Variants in FHIT observed in about 807,000 individuals in gnomAD.
The protein encoded by FHIT is fragile histidine triad diadenosine triphosphatase.
Under a neutral mutation model 17.9 loss-of-function variants are expected in FHIT, and 19 were observed. The ratio of observed to expected loss-of-function variants is 1.06; its 90% CI spans 0.74 to 1.56. The LOEUF is 1.56. Among genes scored for constraint, FHIT ranks in the 40% most tolerant of loss-of-function variants. FHIT has a pLI of 0.00. For missense variants in FHIT, 248 were observed against 189.2 expected (o/e 1.31, Z -1.82); for synonymous variants, 81 against 69.7 (o/e 1.16, Z -0.81).
At chr3:60,646,958 T>A (rs1460104080) in intron 4 of FHIT, among the ~76,000 whole-genome samples, 1 of 152,224 alleles carries the variant, frequency 6.6e-6, no homozygotes, top group Non-Finnish European at 1.5e-5. Flanking sequence ...AGTGCTCTAG[T>A]TTATTTTTAA....
chr3:60,436,981 T>A (rs1372107126), intron 5 of FHIT, among the ~76,000 whole-genome samples: 1 of 152,136 alleles, frequency 6.6e-6, no homozygotes, highest in Non-Finnish European at 1.5e-5. Context: ...AATCCAAGTA[T>A]AAATAAAGTA....
chr3:61,072,061 A>C (rs938952961), intron 2 of FHIT, among the ~76,000 whole-genome samples: 1 of 152,166 alleles, frequency 6.6e-6, no homozygotes, highest in Non-Finnish European at 1.5e-5. Flanking sequence ...TAGAGCCAGA[A>C]ACATTTGGAT....
chr3:61,118,102 C>T (rs1388585253), intron 2 of FHIT, among the ~76,000 whole-genome samples: 1 of 152,146 alleles, frequency 6.6e-6, no homozygotes, highest in Admixed American at 6.5e-5. Flanking sequence ...TTCCAAAGGT[C>T]TTTCAAAATA....
At chr3:60,015,255 C>G (rs1700298889) in intron 5 of FHIT, among the ~76,000 whole-genome samples, 1 of 152,142 alleles carries the variant, frequency 6.6e-6, no homozygotes, top group Admixed American at 6.5e-5. Context: ...GGAAACACAA[C>G]TGAGCTCAGC....
chr3:60,105,584 C>CGAAA, intron 5 of FHIT, among the ~76,000 whole-genome samples: 1 of 152,200 alleles, frequency 6.6e-6, no homozygotes, highest in Non-Finnish European at 1.5e-5. Flanking sequence ...AGCTGTGTGT[C>CGAAA]ACTACTCAGC....
intron 5 of FHIT, among the ~76,000 whole-genome samples, chr3:60,121,642 C>G (rs1705253548): frequency 6.6e-6 from 1 of 151,774 alleles, no homozygotes; most frequent in Admixed American, 6.6e-5. Context: ...TGAGATCATG[C>G]CATTGCACTC....
intron 5 of FHIT, among the ~76,000 whole-genome samples, chr3:60,391,328 G>A (rs1451415463): frequency 6.6e-6 from 1 of 152,126 alleles, no homozygotes; most frequent in Non-Finnish European, 1.5e-5. Flanking sequence ...ACAAGGTCTT[G>A]CCCTGCAAGC....
chr3:61,236,394 T>C (rs1414291505), intron 1 of FHIT, among the ~76,000 whole-genome samples: 1 of 151,974 alleles, frequency 6.6e-6, no homozygotes, highest in Non-Finnish European at 1.5e-5. Flanking sequence ...AACAATCTTT[T>C]ACTATTCTTA....
intron 3 of FHIT, among the ~76,000 whole-genome samples, chr3:61,000,153 T>A (rs1489187935): frequency 2.6e-5 from 4 of 152,106 alleles, no homozygotes; most frequent in Non-Finnish European, 5.9e-5. Flanking sequence ...CCTCCAGTGA[T>A]CAGTCACTGG....
At chr3:60,652,292 T>C (rs2040008448) in intron 4 of FHIT, among the ~76,000 whole-genome samples, 1 of 152,154 alleles carries the variant, frequency 6.6e-6, no homozygotes, top group African/African-American at 2.4e-5. Flanking sequence ...CCATCACAGT[T>C]ATCATTAGTG....
Position 60,226,493 on chromosome 3 carries a change from A to AAAAAAAAAAAAAAAAAAAC in FHIT, c.104-212342_104-212341insGTTTTTTTTTTTTTTTTTT, listed in dbSNP as rs200934161. On this transcript the variant is annotated intron_variant, in intron 5 of 9. Coordinates refer to ENST00000492590, the MANE Select transcript of FHIT (RefSeq NM_002012.4). Reference sequence around the variant, plus strand: ...GTCTCAAAAAAAAAAAAAAAAAAAAAACACTGCCTGCCTGCACTATACTAA... The same window carrying AAAAAAAAAAAAAAAAAAAC: ...GTCTCAAAAAAAAAAAAAAAAAAAAAAAAAAAAAAAAAAAAAAACACACTGCCTGCCTGCACTATACTAA... Among the ~76,000 whole-genome samples, 8 of 147,146 alleles carry AAAAAAAAAAAAAAAAAAAC rather than the reference A, an allele frequency of 5.4e-5. 1 individual carries two copies. Among genetic ancestry groups the AAAAAAAAAAAAAAAAAAAC allele is most frequent in the African/African-American group, 1.9e-4 (7 of 37,774 alleles).
At chr3:61,179,104 T>C (rs1257217133) in intron 2 of FHIT, among the ~76,000 whole-genome samples, 2 of 150,950 alleles carry the variant, frequency 1.3e-5, no homozygotes, top group Non-Finnish European at 3.0e-5. Flanking sequence ...TCTGCCTCCT[T>C]GTTCAAGCAA....
intron 2 of FHIT, among the ~76,000 whole-genome samples, chr3:61,043,537 C>T (rs988639608): frequency 2.0e-5 from 3 of 152,216 alleles, no homozygotes; most frequent in African/African-American, 4.8e-5. Flanking sequence ...CCTCTGTAGT[C>T]TCCACCTCTG....
chr3:60,323,465 T>C (rs970782425), intron 5 of FHIT, among the ~76,000 whole-genome samples: 17 of 152,008 alleles, frequency 1.1e-4, no homozygotes, highest in Admixed American at 1.0e-3. Context: ...CAACAGAACA[T>C]GGAAAATGAA....
chr3:60,331,436 T>C (rs1709973281), intron 5 of FHIT, among the ~76,000 whole-genome samples: 1 of 152,234 alleles, frequency 6.6e-6, no homozygotes, highest in Admixed American at 6.5e-5. Flanking sequence ...AACTTTGGCT[T>C]ATTCATGTTT....
chr3:60,546,737 T>C (rs2036379200), intron 4 of FHIT, among the ~76,000 whole-genome samples: 1 of 152,164 alleles, frequency 6.6e-6, no homozygotes, highest in African/African-American at 2.4e-5. Flanking sequence ...TCTGCCACTC[T>C]CTTCCTGATC....
intron 3 of FHIT, among the ~76,000 whole-genome samples, chr3:60,955,611 T>TATATATACATATATATATATAC (rs1559862282): frequency 0.021 from 354 of 16,566 alleles, 18 homozygotes; most frequent in East Asian, 0.038. Context: ...TATATATATA[T>TATATATACATATATATATATAC]ATATATATAT....
intron 2 of FHIT, among the ~76,000 whole-genome samples, chr3:61,044,526 T>C (rs62268696): frequency 0.72 from 109,628 of 151,246 alleles, 41,528 homozygotes; most frequent in East Asian, 0.99. Flanking sequence ...CTGAAAGTGA[T>C]GAGGAGAATG....
intron 5 of FHIT, among the ~76,000 whole-genome samples, chr3:60,489,765 T>C (rs1276937064): frequency 2.0e-5 from 3 of 152,194 alleles, no homozygotes; most frequent in Non-Finnish European, 2.9e-5. Flanking sequence ...CACCCTAATG[T>C]CTTTTTCAGT....
Sources: allele counts gnomAD v4.1 joint callset (sites outside exome capture counted in the v4.1 genomes callset), GRCh38; gene constraint gnomAD v4.1.1; transcripts MANE v1.5; gene names NCBI Gene and HGNC (gene_info 2026-07-23, HGNC 2026-07-21).